Variants in NEGR1 observed in about 807,000 individuals in gnomAD.
NEGR1 encodes IgLON family member 4.
A neutral mutation model predicts 40.9 loss-of-function variants in NEGR1; 10 were observed. That is an observed-to-expected ratio of 0.24 (90% CI 0.15 to 0.42). The LOEUF (loss-of-function observed/expected upper bound fraction) is 0.42, where lower values mean the gene tolerates loss of function less well. Among genes scored for constraint, NEGR1 ranks in the 10% least tolerant of loss-of-function variants. The pLI, the probability that NEGR1 is intolerant of heterozygous loss-of-function variation, is 1.00. For synonymous variants in NEGR1, 185 were observed against 166.8 expected (o/e 1.11, Z -0.84); for missense variants, 352 against 438.9 (o/e 0.80, Z 1.77).
chr1:72,234,428 C>T (rs991462440), intron 1 of NEGR1, among the ~76,000 whole-genome samples: 9 of 151,946 alleles, frequency 5.9e-5, no homozygotes, highest in African/African-American at 2.2e-4. Context: ...GAAATGGGAT[C>T]TGGGACCTAA....
At chr1:71,743,065 G>A (rs1011511007) in intron 3 of NEGR1, among the ~76,000 whole-genome samples, 11 of 152,090 alleles carry the variant, frequency 7.2e-5, no homozygotes, top group African/African-American at 2.4e-4. Context: ...TCTGCAACCC[G>A]GGAAGAGGGC....
chr1:71,732,486 T>C (rs527377555), intron 3 of NEGR1, among the ~76,000 whole-genome samples: 22 of 135,052 alleles, frequency 1.6e-4, no homozygotes, highest in Admixed American at 1.5e-3. Flanking sequence ...GACACATTAC[T>C]GAATGCTGTG....
chr1:72,014,121 A>G (rs1006903380), intron 1 of NEGR1, among the ~76,000 whole-genome samples: 10 of 151,768 alleles, frequency 6.6e-5, no homozygotes, highest in Non-Finnish European at 1.2e-4. Flanking sequence ...TTTTGTATGC[A>G]GATTTCCAAA....
chr1:72,098,173 C>T (rs1648784430), intron 1 of NEGR1, among the ~76,000 whole-genome samples: 1 of 152,200 alleles, frequency 6.6e-6, no homozygotes. Flanking sequence ...GAGCGAACAT[C>T]CTTAGAAAAT....
intron 2 of NEGR1, among the ~76,000 whole-genome samples, chr1:71,890,976 C>A (rs1462098534): frequency 3.9e-4 from 1 of 2,572 alleles, no homozygotes; most frequent in Non-Finnish European, 7.0e-4. Flanking sequence ...CTACTGGGTA[C>A]ATAACGAAAT....
At chr1:71,497,874 G>A (rs1278582541) in intron 6 of NEGR1, among the ~76,000 whole-genome samples, 1 of 151,984 alleles carries the variant, frequency 6.6e-6, no homozygotes, top group East Asian at 1.9e-4. Context: ...GACAGAATGC[G>A]AAACTATATA....
chr1:72,257,214 T>C (rs992023727), intron 1 of NEGR1, among the ~76,000 whole-genome samples: 1 of 145,772 alleles, frequency 6.9e-6, no homozygotes, highest in Admixed American at 7.0e-5. Flanking sequence ...CCCAGCTACT[T>C]GGGAGGCTGA....
chr1:71,580,572 T>C (rs1425771024), intron 6 of NEGR1, among the ~76,000 whole-genome samples: 3 of 152,120 alleles, frequency 2.0e-5, no homozygotes, highest in African/African-American at 7.2e-5. Context: ...GGTCATTATA[T>C]AGATTTGGAG....
chr1:72,175,618 G>A (rs1307637626), intron 1 of NEGR1, among the ~76,000 whole-genome samples: 3 of 152,124 alleles, frequency 2.0e-5, no homozygotes, highest in East Asian at 1.9e-4. Flanking sequence ...AGGTAAAAGT[G>A]ATGATTTATG....
intron 1 of NEGR1, among the ~76,000 whole-genome samples, chr1:71,988,464 G>T (rs981545535): frequency 6.7e-6 from 1 of 148,218 alleles, no homozygotes; most frequent in Non-Finnish European, 1.5e-5. Context: ...GCGTGAACCC[G>T]GGAAGCGGAG....
chr1:71,463,879 A>G (rs187852096), intron 6 of NEGR1, among the ~76,000 whole-genome samples: 1 of 152,290 alleles, frequency 6.6e-6, no homozygotes, highest in East Asian at 1.9e-4. Flanking sequence ...ATCTAATTAG[A>G]GAGAAAGGAC....
intron 1 of NEGR1, among the ~76,000 whole-genome samples, chr1:72,228,287 G>A (rs1451385099): frequency 1.3e-5 from 2 of 152,116 alleles, no homozygotes; most frequent in African/African-American, 2.4e-5. Flanking sequence ...TCTGTTTGAG[G>A]GCCTTAAGAG....
At position 71,441,207 on chromosome 1, in the gene NEGR1, C is replaced by T. The variant is rs574322377; in HGVS notation, c.941-33637G>A. Among the ~76,000 whole-genome samples the T allele has an allele frequency of 6.6e-5, 10 of 152,324 alleles. No homozygotes were observed. In the South Asian group the frequency reaches 1.9e-3, roughly 28 times the overall value. ...ACAATGTGTGAGTGGTCAACAATCGCTCCAAAGTGAAGTTATCAACTGATG... is the reference window on the plus strand; with the variant it reads ...ACAATGTGTGAGTGGTCAACAATCGTTCCAAAGTGAAGTTATCAACTGATG... On this transcript the variant is annotated intron_variant, in intron 6 of 6. Transcript: ENST00000357731.
intron 1 of NEGR1, among the ~76,000 whole-genome samples, chr1:72,097,794 C>T (rs1648761886): frequency 6.6e-6 from 1 of 152,116 alleles, no homozygotes; most frequent in South Asian, 2.1e-4. Context: ...ATAATATTGG[C>T]CTCACGTGTT....
At chr1:71,855,988 T>C (rs559063298) in intron 2 of NEGR1, among the ~76,000 whole-genome samples, 1 of 152,182 alleles carries the variant, frequency 6.6e-6, no homozygotes, top group African/African-American at 2.4e-5. Flanking sequence ...AATGCCTTCT[T>C]ACAGTTATGT....
intron 6 of NEGR1, among the ~76,000 whole-genome samples, chr1:71,472,813 T>C (rs1352307467): frequency 6.6e-6 from 1 of 151,938 alleles, no homozygotes; most frequent in African/African-American, 2.4e-5. Context: ...AAAGAAATTA[T>C]AAAACATAAA....
At chr1:71,928,136 G>A (rs1246323794) in intron 2 of NEGR1, among the ~76,000 whole-genome samples, 1 of 91,156 alleles carries the variant, frequency 1.1e-5, no homozygotes, top group Non-Finnish European at 2.1e-5. Context: ...ACACACATAT[G>A]TATATATACA....
At chr1:71,495,925 T>G (rs12087464) in intron 6 of NEGR1, among the ~76,000 whole-genome samples, 3,062 of 152,244 alleles carry the variant, frequency 0.02, 93 homozygotes, top group African/African-American at 0.07. Context: ...CAGGGATGAA[T>G]AGTTGATGAT....
chr1:72,211,810 G>A (rs1030335584), intron 1 of NEGR1, among the ~76,000 whole-genome samples: 1 of 151,518 alleles, frequency 6.6e-6, no homozygotes, highest in Non-Finnish European at 1.5e-5. Flanking sequence ...AAATGCCTGA[G>A]AACTGCCACT....
Sources: gnomAD v4.1 joint callset for allele counts (sites outside exome capture counted in the v4.1 genomes callset) on GRCh38, gnomAD v4.1.1 for gene constraint, MANE v1.5 for transcripts, NCBI Gene and HGNC (gene_info 2026-07-23, HGNC 2026-07-21) for gene names.